LPGAT1: variants seen among roughly 807,000 people sequenced by gnomAD.
The protein encoded by LPGAT1 is lysophosphatidylglycerol acyltransferase 1, also known as acyl-CoA:lysophosphatidylglycerol acyltransferase 1.
LPGAT1 carries 11 observed loss-of-function variants against 47.5 expected under a neutral mutation model. The ratio of observed to expected loss-of-function variants is 0.23; its 90% CI spans 0.15 to 0.38. The LOEUF is 0.38. LPGAT1 is among the 10% of genes least tolerant of loss of function. LPGAT1 has a pLI of 1.00. For synonymous variants in LPGAT1, 138 were observed against 144.2 expected (o/e 0.96, Z 0.31); for missense variants, 293 against 439.0 (o/e 0.67, Z 2.97).
Position 211,830,448 on chromosome 1 carries a change from T to C in LPGAT1, c.-28+125A>G, listed in dbSNP as rs1405656199. On this transcript the variant is annotated intron_variant, in intron 1 of 7. Coordinates refer to ENST00000366997, the MANE Select transcript of LPGAT1 (RefSeq NM_014873.3). The surrounding 1 kb of genome is among the most constrained non-coding windows in gnomAD (Gnocchi z 5.9). ...CTCCCCGGGGCCTACCGCGCCCTCG[T>C]CCCTCAGGCCGCTGCCGCCTCCCCG... The C allele has an allele frequency of 3.4e-6, 4 of 1,174,782 alleles. No homozygotes were observed. The East Asian group carries it at 1.1e-4, about 32-fold the overall frequency. The allele number at this position is 1,174,782 out of a possible 1,614,324, so 72.8% of individuals were successfully genotyped here. A position where few individuals can be genotyped will look rare whatever the true frequency, so the allele number is the denominator to read the frequency against.
chr1:211,752,804 T>A (rs559740929), intron 6 of LPGAT1, among the ~76,000 whole-genome samples: 54 of 152,358 alleles, frequency 3.5e-4, no homozygotes, highest in African/African-American at 1.2e-3. Flanking sequence ...ATTTTTGGAA[T>A]CTGTGCTTCC....
Position 211,777,325 on chromosome 1 carries a change from C to T in LPGAT1, c.854+1593G>A, listed in dbSNP as rs1312106842. Among the ~76,000 whole-genome samples the T allele has an allele frequency of 1.3e-5, 2 of 152,088 alleles. 1 individual carries two copies. Among genetic ancestry groups the T allele is most frequent in the South Asian group, 4.1e-4 (2 of 4,832 alleles). Reference sequence around the variant, plus strand: ...TCTCCATTTCTGAACACAGGTACTACCTCTCCTCTAATATTGGTTAGACAC... The same window carrying T: ...TCTCCATTTCTGAACACAGGTACTATCTCTCCTCTAATATTGGTTAGACAC... On this transcript the variant is annotated intron_variant, in intron 6 of 7. Coordinates refer to ENST00000366997, the MANE Select transcript of LPGAT1 (RefSeq NM_014873.3).
chr1:211,788,362 A>T (rs1262878478), intron 3 of LPGAT1, among the ~76,000 whole-genome samples: 1 of 152,168 alleles, frequency 6.6e-6, no homozygotes, highest in African/African-American at 2.4e-5. Flanking sequence ...TTGAGGGCAG[A>T]AGACTTTCTT....
chr1:211,828,090 C>G (rs1364901670), intron 2 of LPGAT1, among the ~76,000 whole-genome samples: 2 of 152,196 alleles, frequency 1.3e-5, no homozygotes, highest in African/African-American at 2.4e-5. Flanking sequence ...TGCCATACTG[C>G]TTGACCCTGG....
chr1:211,748,512 C>G lies in LPGAT1; in HGVS notation c.*1387G>C, dbSNP rs1009696700. 2 of 152,154 alleles carry G rather than the reference C, an allele frequency of 1.3e-5. No homozygotes were observed. The highest frequency in any genetic ancestry group is 4.8e-5 in the African/African-American group (2 of 41,398). 9.4% of individuals were successfully genotyped at this position (152,154 alleles called of 1,614,324 possible). A position where few individuals can be genotyped will look rare whatever the true frequency, so the allele number is the denominator to read the frequency against. On this transcript the variant is annotated 3_prime_UTR_variant, in exon 8 of 8. Coordinates refer to ENST00000366997, the MANE Select transcript of LPGAT1 (RefSeq NM_014873.3). ...CCAGCCTGGCCAACATGGTGAAACC[C>G]CATCTCTACTAAAAATACAAAAATT...
At chr1:211,756,251 A>G (rs1558254054) in intron 6 of LPGAT1, among the ~76,000 whole-genome samples, 1 of 152,162 alleles carries the variant, frequency 6.6e-6, no homozygotes, top group Admixed American at 6.5e-5. Context: ...AAACCAAACC[A>G]AAACAAAAAA....
At chr1:211,824,501 G>C (rs1239454131) in intron 2 of LPGAT1, among the ~76,000 whole-genome samples, 1 of 152,082 alleles carries the variant, frequency 6.6e-6, no homozygotes. Context: ...CCATCAAGTG[G>C]GCCCAGAGTA....
At position 211,785,015 on chromosome 1, in the gene LPGAT1, G is replaced by A. The variant is rs1430650720; in HGVS notation, c.454-1513C>T. Among the ~76,000 whole-genome samples, 3 of 152,042 alleles carry A rather than the reference G, an allele frequency of 2.0e-5. No homozygotes were observed. In the South Asian group the frequency reaches 6.2e-4, roughly 31 times the overall value. On this transcript the variant is annotated intron_variant, in intron 4 of 7. Coordinates refer to ENST00000366997, the MANE Select transcript of LPGAT1 (RefSeq NM_014873.3). Reference sequence around the variant, plus strand: ...AGATGGGATTTCACCGTGTTAGCCAGGATGGTCTCGATCTCCTGACCTTGT... The same window carrying A: ...AGATGGGATTTCACCGTGTTAGCCAAGATGGTCTCGATCTCCTGACCTTGT...
intron 6 of LPGAT1, among the ~76,000 whole-genome samples, chr1:211,776,156 A>C (rs1658391142): frequency 6.6e-6 from 1 of 152,280 alleles, no homozygotes; most frequent in Admixed American, 6.5e-5. Context: ...GGAGAAATTA[A>C]AATACATGAA....
At chr1:211,755,560 A>T (rs1457705235) in intron 6 of LPGAT1, among the ~76,000 whole-genome samples, 1 of 151,814 alleles carries the variant, frequency 6.6e-6, no homozygotes. Flanking sequence ...GAAAAAAAAT[A>T]GAGGAAAGAA....
intron 2 of LPGAT1, among the ~76,000 whole-genome samples, chr1:211,801,028 C>T (rs1240495662): frequency 1.3e-5 from 2 of 152,178 alleles, no homozygotes; most frequent in Non-Finnish European, 2.9e-5. Flanking sequence ...TACAGTGAGG[C>T]TCAATGTTGA....
chr1:211,820,640 A>ATGACC (rs1197292116), intron 2 of LPGAT1, among the ~76,000 whole-genome samples: 1 of 152,084 alleles, frequency 6.6e-6, no homozygotes, highest in African/African-American at 2.4e-5. Flanking sequence ...AGTAAAAGAC[A>ATGACC]TGAAAGAAAC....
intron 6 of LPGAT1, among the ~76,000 whole-genome samples, chr1:211,777,750 G>C (rs977716502): frequency 2.0e-5 from 3 of 152,276 alleles, no homozygotes; most frequent in East Asian, 1.9e-4. Context: ...GTGTGAACCA[G>C]AGCAACTCAA....
intron 2 of LPGAT1, among the ~76,000 whole-genome samples, chr1:211,809,281 G>A (rs1347101180): frequency 1.3e-5 from 2 of 151,988 alleles, no homozygotes; most frequent in Non-Finnish European, 2.9e-5. Context: ...TCTATAGTAT[G>A]TCCCAATAAC....
rs1189359517 is a variant in LPGAT1, at chr1:211,830,316, T to A, written c.-28+257A>T. On this transcript the variant is annotated intron_variant, in intron 1 of 7. Transcript: ENST00000366997. This position sits in a 1 kb window ranked among gnomAD's most constrained non-coding sequence, Gnocchi z 5.9. Reference sequence around the variant, plus strand: ...GCGAGCGGGCGCGCTGGCGCCCTACTCCCCTCGCGGCTGCCTGCGGACAGA... The same window carrying A: ...GCGAGCGGGCGCGCTGGCGCCCTACACCCCTCGCGGCTGCCTGCGGACAGA... The A allele has an allele frequency of 9.1e-7, 1 of 1,102,698 alleles. No individual in the cohort carries two copies. Among genetic ancestry groups the A allele is most frequent in the African/African-American group, 1.7e-5 (1 of 60,300 alleles). The allele number at this position is 1,102,698 out of a possible 1,614,324, so 68.3% of individuals were successfully genotyped here.
At chr1:211,804,927 T>C (rs889780474) in intron 2 of LPGAT1, among the ~76,000 whole-genome samples, 14 of 152,214 alleles carry the variant, frequency 9.2e-5, no homozygotes, top group Non-Finnish European at 1.6e-4. Context: ...GTAGTGGTCA[T>C]ATAACTGCAC....
intron 6 of LPGAT1, among the ~76,000 whole-genome samples, chr1:211,755,975 C>A (rs1448042182): frequency 6.6e-6 from 1 of 152,174 alleles, no homozygotes; most frequent in Non-Finnish European, 1.5e-5. Context: ...ATCTGCCTCA[C>A]GCCTATAATC....
intron 2 of LPGAT1, among the ~76,000 whole-genome samples, chr1:211,826,666 GA>G: frequency 6.7e-6 from 1 of 148,812 alleles, no homozygotes; most frequent in East Asian, 2.0e-4. Context: ...TTTGGAAAAA[GA>G]TATATATATA....
intron 6 of LPGAT1, among the ~76,000 whole-genome samples, chr1:211,753,845 G>A (rs1422587327): frequency 6.6e-6 from 1 of 152,176 alleles, no homozygotes; most frequent in Non-Finnish European, 1.5e-5. Context: ...CTGAATGGCT[G>A]ATTGAAAGCT....
Sources: allele counts gnomAD v4.1 joint callset (sites outside exome capture counted in the v4.1 genomes callset), GRCh38; gene constraint gnomAD v4.1.1; non-coding constraint Gnocchi (gnomAD v3.1); transcripts MANE v1.5; gene names NCBI Gene and HGNC (gene_info 2026-07-23, HGNC 2026-07-21).